ACMSD: variants seen among roughly 807,000 people sequenced by gnomAD.
The protein encoded by ACMSD is aminocarboxymuconate semialdehyde decarboxylase.
Under a neutral mutation model 45.9 loss-of-function variants are expected in ACMSD, and 37 were observed. The observed-to-expected ratio is 0.81, with a 90% CI of 0.62 to 1.06. The LOEUF (loss-of-function observed/expected upper bound fraction) is 1.06. Among genes scored for constraint, ACMSD ranks in the 50% least tolerant of loss-of-function variants. The pLI is 0.00. For synonymous variants in ACMSD, 138 were observed against 148.8 expected (o/e 0.93, Z 0.53); for missense variants, 434 against 420.9 (o/e 1.03, Z -0.27).
At chr2:134,857,612 T>C (rs897090607) in intron 2 of ACMSD, among the ~76,000 whole-genome samples, 12 of 152,194 alleles carry the variant, frequency 7.9e-5, no homozygotes, top group Middle Eastern at 3.4e-3. Flanking sequence ...TATAAAACCA[T>C]GTTGTCTGCA....
At chr2:134,867,258 A>C (rs1327464254) in intron 5 of ACMSD, 1 of 176,826 alleles carries the variant, frequency 5.7e-6, no homozygotes, top group Non-Finnish European at 1.2e-5. Context: ...TTAGTCCTTG[A>C]GCATTTTGCT....
At chr2:134,845,876 A>G (rs780994628) in intron 2 of ACMSD, among the ~76,000 whole-genome samples, 3 of 152,196 alleles carry the variant, frequency 2.0e-5, no homozygotes, top group Non-Finnish European at 4.4e-5. Context: ...CAGAGGCATC[A>G]TATGTCCTCT....
At chr2:134,878,686 G>A (rs1412833824) in intron 8 of ACMSD, among the ~76,000 whole-genome samples, 3 of 152,192 alleles carry the variant, frequency 2.0e-5, no homozygotes, top group African/African-American at 7.2e-5. Context: ...ATAAAAGCCT[G>A]TGTTTGTGGC....
intron 8 of ACMSD, among the ~76,000 whole-genome samples, chr2:134,897,014 G>A (rs1473330260): frequency 2.1e-5 from 3 of 146,238 alleles, no homozygotes; most frequent in African/African-American, 7.4e-5. Context: ...AAAATCTGTG[G>A]TTATATAAGA....
rs1687874285 is a variant in ACMSD, at chr2:134,862,031, C to T, written c.249+13C>T. ...GTTTAGCTACTGGGTGAGTGTGAAA[C>T]CTCAAGCCATCTCCTTGGTGTTGAA... On this transcript the variant is annotated intron_variant, in intron 4 of 9. Transcript: ENST00000356140. 3 of 1,614,058 alleles carry T rather than the reference C, an allele frequency of 1.9e-6. No individual in the cohort carries two copies. The highest frequency in any genetic ancestry group is 1.3e-5 in the African/African-American group (1 of 75,012).
chr2:134,872,469 GT>G lies in ACMSD; in HGVS notation c.678del (p.Gly227ValfsTer27). The part of the protein sequence containing the change: ...PKLKVCFAHG[G>X]GAFPFTVGRI... ...CCTCAGTAATGGGTTTTACTTGCAG[GT>G]GGTGCCTTCCCCTTCACAGTGGGAA... On this transcript the variant is annotated frameshift_variant and splice_region_variant, in exon 8 of 10. Coordinates refer to ENST00000356140, the MANE Select transcript of ACMSD (RefSeq NM_138326.3). LOFTEE classifies it high-confidence loss of function. The G allele has an allele frequency of 6.2e-7, 1 of 1,614,114 alleles. No individual in the cohort carries two copies. Among genetic ancestry groups the G allele is most frequent in the Non-Finnish European group, 8.5e-7 (1 of 1,180,016 alleles).
intron 8 of ACMSD, among the ~76,000 whole-genome samples, chr2:134,880,871 G>A (rs983899274): frequency 2.2e-4 from 33 of 152,120 alleles, no homozygotes; most frequent in East Asian, 1.5e-3. Context: ...GCTCTATGCC[G>A]ATGAAGTGTA....
intron 1 of ACMSD, among the ~76,000 whole-genome samples, chr2:134,844,056 G>C (rs374275865): frequency 6.6e-6 from 1 of 152,176 alleles, no homozygotes; most frequent in Non-Finnish European, 1.5e-5. Context: ...GCCCTAGTAA[G>C]GCTTGTCATA....
chr2:134,880,570 A>C (rs970178312), intron 8 of ACMSD, among the ~76,000 whole-genome samples: 11 of 151,852 alleles, frequency 7.2e-5, no homozygotes, highest in Admixed American at 7.2e-4. Flanking sequence ...AATTTCCAAA[A>C]GCTTATTATT....
At chr2:134,893,203 C>T (rs553476003) in intron 8 of ACMSD, among the ~76,000 whole-genome samples, 4 of 141,542 alleles carry the variant, frequency 2.8e-5, no homozygotes, top group East Asian at 2.2e-4. Context: ...CAATATATCA[C>T]ACTGCATTTT....
intron 6 of ACMSD, among the ~76,000 whole-genome samples, chr2:134,869,837 C>T (rs756148763): frequency 3.3e-5 from 5 of 152,056 alleles, no homozygotes; most frequent in Non-Finnish European, 7.3e-5. Flanking sequence ...ACATTATGAA[C>T]GTAACTCTGA....
rs533725889 is a variant in ACMSD, at chr2:134,838,663, G to A, written c.-20G>A. The A allele has an allele frequency of 1.1e-5, 17 of 1,601,178 alleles. No individual in the cohort carries two copies. The East Asian group carries it at 3.6e-4, about 34-fold the overall frequency. ...GATATCAAAACTTCTTTCCTTGCAT[G>A]CTTCTCTGATCCTGTGGAGATGAAA... On this transcript the variant is annotated 5_prime_UTR_variant, in exon 1 of 10. It removes an upstream start codon present in the reference 5' UTR. Transcript: ENST00000356140.
chr2:134,887,650 C>T (rs892603950), intron 8 of ACMSD, among the ~76,000 whole-genome samples: 2 of 152,176 alleles, frequency 1.3e-5, no homozygotes, highest in African/African-American at 4.8e-5. Context: ...GTTATCCTCC[C>T]ACCTTGGCCT....
chr2:134,859,532 T>A, intron 3 of ACMSD, 175 bp downstream of exon 3: 1 of 556,280 alleles, frequency 1.8e-6, no homozygotes, highest in East Asian at 2.8e-5. Context: ...GCTTTTAGAG[T>A]GTGGATTCAA....
At chr2:134,899,768 T>G (rs1447613097) in intron 9 of ACMSD, among the ~76,000 whole-genome samples, 1 of 152,112 alleles carries the variant, frequency 6.6e-6, no homozygotes, top group Non-Finnish European at 1.5e-5. Flanking sequence ...GTTAAATAAA[T>G]CATAATATAT....
intron 2 of ACMSD, 119 bp from the exon 3 acceptor site, chr2:134,859,142 A>G: frequency 1.2e-6 from 1 of 815,210 alleles, no homozygotes; most frequent in Non-Finnish European, 1.9e-6. Flanking sequence ...CTACTTCCAC[A>G]AGGATTAAGT....
rs1425357146 is a variant in ACMSD at position 134,858,310 on chromosome 2, A to C, written c.103-951A>C. 1.7e-4 allele frequency among the ~76,000 whole-genome samples: 26 copies of C among 152,208 alleles called. 1 individual carries two copies. ...AGACAAATACTGTACTTATATGTAGAATCTAAAAAAGTCTAACTCACAGAA... is the reference window on the plus strand; with the variant it reads ...AGACAAATACTGTACTTATATGTAGCATCTAAAAAAGTCTAACTCACAGAA... On this transcript the variant is annotated intron_variant, in intron 2 of 9. Transcript: ENST00000356140.
chr2:134,896,421 T>A (rs902790550), intron 8 of ACMSD, among the ~76,000 whole-genome samples: 1 of 152,172 alleles, frequency 6.6e-6, no homozygotes, highest in African/African-American at 2.4e-5. Flanking sequence ...GGCTCTAGTA[T>A]TCAGAACACA....
intron 5 of ACMSD, among the ~76,000 whole-genome samples, chr2:134,867,132 C>T (rs999600892): frequency 2.0e-5 from 3 of 152,212 alleles, no homozygotes; most frequent in South Asian, 2.1e-4. Flanking sequence ...GGAGGGGGCA[C>T]TCTCGCCCTG....
Sources: allele counts gnomAD v4.1 joint callset (sites outside exome capture counted in the v4.1 genomes callset), GRCh38; gene constraint gnomAD v4.1.1; transcripts MANE v1.5; gene names NCBI Gene and HGNC (gene_info 2026-07-23, HGNC 2026-07-21).